Variants in ITGA1 observed in about 807,000 individuals in gnomAD.
ITGA1 encodes integrin subunit alpha 1, also known as integrin alpha-1.
Under a neutral mutation model 145.9 loss-of-function variants are expected in ITGA1, and 85 were observed. The ratio of observed to expected loss-of-function variants is 0.58; its 90% CI spans 0.49 to 0.70. The LOEUF (loss-of-function observed/expected upper bound fraction) is 0.70, where lower values mean the gene tolerates loss of function less well. ITGA1 is among the 30% of genes least tolerant of loss of function. The pLI is 0.00. For synonymous variants in ITGA1, 520 were observed against 495.3 expected (o/e 1.05, Z -0.66); for missense variants, 1,351 against 1,418.7 (o/e 0.95, Z 0.77).
At chr5:52,861,082 C>T (rs913913107) in intron 2 of ITGA1, among the ~76,000 whole-genome samples, 2 of 151,864 alleles carry the variant, frequency 1.3e-5, no homozygotes, top group African/African-American at 4.8e-5. Flanking sequence ...TATTTCAGTA[C>T]CCCAATAAAA....
rs1339853427 is a variant in ITGA1, at chr5:52,865,760, T to G, written c.567T>G (p.Val189=). 1 of 1,605,672 alleles carries G rather than the reference T, an allele frequency of 6.2e-7. No homozygotes were observed. The highest frequency in any genetic ancestry group is 1.7e-5 in the Admixed American group (1 of 58,308). ...ACAGTATTTACCCATGGGACAGTGT[T>G]ACAGCTTTTTTAAATGACCTTCTTG... ...GSNSIYPWDS[V]TAFLNDLLER... Residue 189 remains valine, a synonymous_variant, in exon 6 of 29, where the codon GTT becomes GTG. Transcript: ENST00000282588.
At chr5:52,909,147 G>A in intron 13 of ITGA1, 106 bp downstream of exon 13, 1 of 1,197,882 alleles carries the variant, frequency 8.3e-7, no homozygotes, top group Non-Finnish European at 1.2e-6. Context: ...ACAGAGCAAA[G>A]AAGCTATCAG....
intron 8 of ITGA1, among the ~76,000 whole-genome samples, chr5:52,888,723 A>G (rs1750095363): frequency 6.6e-6 from 1 of 152,242 alleles, no homozygotes; most frequent in African/African-American, 2.4e-5. Flanking sequence ...GCTTCTTCAA[A>G]ACAGCTTGCA....
At chr5:52,919,041 A>C (rs969336490) in intron 16 of ITGA1, 143 bp downstream of exon 16, 5 of 672,264 alleles carry the variant, frequency 7.4e-6, no homozygotes, top group Non-Finnish European at 1.1e-5. Flanking sequence ...CAGAACCTTG[A>C]AAAAAAATTC....
chr5:52,898,292 C>T lies in ITGA1; in HGVS notation c.1218C>T (p.Val406=), dbSNP rs1349283813. Residue 406 remains valine (V), a synonymous_variant, in exon 11 of 29, where the codon GTC becomes GTT. Transcript: ENST00000282588. ...VGAYDWNGTV[V]MQKASQIIIP... is the part of the protein sequence containing the mutation. Reference sequence around the variant, plus strand: ...CCTATGATTGGAATGGAACAGTTGTCATGCAGAAGGCTAGTCAAATCATAA... The same window carrying T: ...CCTATGATTGGAATGGAACAGTTGTTATGCAGAAGGCTAGTCAAATCATAA... 1 of 1,611,968 alleles carries T rather than the reference C, an allele frequency of 6.2e-7. No individual in the cohort carries two copies. The highest frequency in any genetic ancestry group is 1.1e-5 in the South Asian group (1 of 90,810).
intron 1 of ITGA1, among the ~76,000 whole-genome samples, chr5:52,799,543 G>A (rs1748411179): frequency 1.3e-5 from 2 of 152,196 alleles, no homozygotes; most frequent in Admixed American, 1.3e-4. Flanking sequence ...TCTCTCTTGG[G>A]ACCAGCGCTT....
intron 15 of ITGA1, among the ~76,000 whole-genome samples, chr5:52,917,537 A>G (rs142774028): frequency 7.2e-5 from 10 of 139,170 alleles, no homozygotes; most frequent in Admixed American, 1.5e-4. Context: ...AGATTATGGT[A>G]TGTGCATATG....
At chr5:52,814,886 A>C (rs1351747587) in intron 1 of ITGA1, among the ~76,000 whole-genome samples, 1 of 152,160 alleles carries the variant, frequency 6.6e-6, no homozygotes, top group Non-Finnish European at 1.5e-5. Context: ...AAAGTACGGA[A>C]ACTCAGTTTC....
intron 1 of ITGA1, among the ~76,000 whole-genome samples, chr5:52,841,974 G>A (rs555106804): frequency 2.0e-5 from 3 of 152,096 alleles, no homozygotes; most frequent in Non-Finnish European, 2.9e-5. Flanking sequence ...CTTCATTATA[G>A]AGCTCATACT....
At chr5:52,895,151 G>A (rs1750206306) in intron 9 of ITGA1, among the ~76,000 whole-genome samples, 1 of 152,044 alleles carries the variant, frequency 6.6e-6, no homozygotes, top group South Asian at 2.1e-4. Flanking sequence ...TTCATGACTG[G>A]GTCACAATCC....
intron 1 of ITGA1, chr5:52,800,873 G>A: frequency 1.9e-6 from 3 of 1,611,362 alleles, no homozygotes; most frequent in Non-Finnish European, 1.7e-6. Flanking sequence ...ACCCTCACTC[G>A]GGCCAAGGTG....
At position 52,822,533 on chromosome 5, in the gene ITGA1, G is replaced by A. The variant is rs548210159; in HGVS notation, c.62-26832G>A. 2.4e-4 allele frequency among the ~76,000 whole-genome samples: 36 copies of A among 152,272 alleles called. No individual in the cohort carries two copies. The East Asian group carries it at 3.5e-3, about 15-fold the overall frequency. On this transcript the variant is annotated intron_variant, in intron 1 of 28. Transcript: ENST00000282588. The stretch of plus-strand genomic sequence containing the variant: ...TAGAAGAGCTGGAGGCTGAGTATCC[G>A]GACTGCTCTGCATAGGGGATATGGG...
chr5:52,804,445 T>C (rs1334417614), intron 1 of ITGA1, among the ~76,000 whole-genome samples: 1 of 152,198 alleles, frequency 6.6e-6, no homozygotes, highest in African/African-American at 2.4e-5. Flanking sequence ...TATGACAAGA[T>C]TGTTGATCTT....
chr5:52,889,809 A>G (rs931181537), intron 8 of ITGA1: 1 of 152,220 alleles, frequency 6.6e-6, no homozygotes, highest in African/African-American at 2.4e-5. Context: ...TATTATTGGA[A>G]AAAGAAATGT....
At chr5:52,846,926 T>C (rs1473931600) in intron 1 of ITGA1, among the ~76,000 whole-genome samples, 2 of 152,204 alleles carry the variant, frequency 1.3e-5, no homozygotes, top group African/African-American at 4.8e-5. Flanking sequence ...AGTTCATCTT[T>C]AACTAGAGCT....
chr5:52,929,279 C>T (rs1267533206), intron 20 of ITGA1, among the ~76,000 whole-genome samples: 1 of 152,134 alleles, frequency 6.6e-6, no homozygotes, highest in Non-Finnish European at 1.5e-5. Context: ...TACAAGGGTA[C>T]TAATCCCACT....
chr5:52,913,628 A>G (rs1750600712), intron 14 of ITGA1, among the ~76,000 whole-genome samples: 1 of 152,218 alleles, frequency 6.6e-6, no homozygotes, highest in Non-Finnish European at 1.5e-5. Flanking sequence ...AAGTAATCAT[A>G]GTTGGTTAGA....
intron 11 of ITGA1, among the ~76,000 whole-genome samples, chr5:52,898,749 C>G (rs773927503): frequency 6.6e-6 from 1 of 152,108 alleles, no homozygotes; most frequent in African/African-American, 2.4e-5. Context: ...TCTCCTATAT[C>G]CTGAAAACCA....
intron 2 of ITGA1, among the ~76,000 whole-genome samples, chr5:52,854,485 G>A (rs956927008): frequency 6.6e-6 from 1 of 151,954 alleles, no homozygotes; most frequent in Non-Finnish European, 1.5e-5. Context: ...CAGTTAATGG[G>A]TCACTGTGTA....
Sources: allele counts gnomAD v4.1 joint callset (sites outside exome capture counted in the v4.1 genomes callset), GRCh38; gene constraint gnomAD v4.1.1; transcripts MANE v1.5; gene names NCBI Gene and HGNC (gene_info 2026-07-23, HGNC 2026-07-21).